GAB3: variants seen among roughly 807,000 people sequenced by gnomAD.
GAB3 encodes GRB2 associated binding protein 3, also known as GRB2-associated-binding protein 3.
GAB3 carries 12 observed loss-of-function variants against 40.4 expected under a neutral mutation model. That is an observed-to-expected ratio of 0.30 (90% CI 0.19 to 0.48). The LOEUF (loss-of-function observed/expected upper bound fraction) is 0.48. Among genes scored for constraint, GAB3 ranks in the 20% least tolerant of loss-of-function variants. The pLI, the probability that GAB3 is intolerant of heterozygous loss-of-function variation, is 0.99. For synonymous variants in GAB3, 154 were observed against 176.7 expected (o/e 0.87, Z 1.02); for missense variants, 381 against 461.9 (o/e 0.82, Z 1.61).
chrX:154,703,517 T>C (rs2070766096), intron 4 of GAB3, among the ~76,000 whole-genome samples: 1 of 110,621 alleles, frequency 9.0e-6, no homozygotes, highest in Non-Finnish European at 1.9e-5. Flanking sequence ...CAGAGAATGG[T>C]AAGAGGGAAA....
chrX:154,723,752 A>T (rs1557259081), intron 1 of GAB3, among the ~76,000 whole-genome samples: 1 of 111,500 alleles, frequency 9.0e-6, no homozygotes, highest in African/African-American at 3.3e-5. Context: ...GGTCAAGAGG[A>T]TATAGAAAGC....
chrX:154,745,822 C>T (rs1392707828), intron 1 of GAB3, among the ~76,000 whole-genome samples: 5 of 110,987 alleles, frequency 4.5e-5, no homozygotes, highest in Admixed American at 2.8e-4. Context: ...GAGGCCGAAG[C>T]GGGTGGATCA....
chrX:154,716,399 C>T, intron 1 of GAB3, 70 bp from the exon 2 acceptor site: 4 of 985,454 alleles, frequency 4.1e-6, no homozygotes, highest in Non-Finnish European at 5.5e-6. Flanking sequence ...TGCCAAGAAC[C>T]CATGTCATGA....
rs2070307412 is a variant in GAB3, at chrX:154,677,102, T to C, written c.*1076A>G. Reference sequence around the variant, plus strand: ...GGGAAACACACTGTATAGGTGACCATGAGAATGGCCTTCAGACTAACCATC... The same window carrying C: ...GGGAAACACACTGTATAGGTGACCACGAGAATGGCCTTCAGACTAACCATC... On this transcript the variant is annotated 3_prime_UTR_variant, in exon 10 of 10. Transcript: ENST00000424127. 1 of 111,788 alleles carries C rather than the reference T, an allele frequency of 8.9e-6. No homozygotes were observed. The highest frequency in any genetic ancestry group is 9.5e-5 in the Admixed American group (1 of 10,579). 9.2% of individuals were successfully genotyped at this position (111,788 alleles called of 1,213,427 possible). A position where few individuals can be genotyped will look rare whatever the true frequency, so the allele number is the denominator to read the frequency against.
intron 1 of GAB3, among the ~76,000 whole-genome samples, chrX:154,741,960 A>C (rs2071448441): frequency 9.0e-6 from 1 of 111,632 alleles, no homozygotes. Context: ...TGCCCTTGAC[A>C]TGTGGGGATT....
chrX:154,685,851 A>C (rs782191258), intron 8 of GAB3, among the ~76,000 whole-genome samples: 2 of 112,338 alleles, frequency 1.8e-5, no homozygotes, highest in African/African-American at 6.4e-5. Flanking sequence ...CCAACCAATT[A>C]GATAAACATA....
chrX:154,712,199 G>T, intron 4 of GAB3, 30 bp downstream of exon 4: 1 of 1,078,043 alleles, frequency 9.3e-7, no homozygotes, highest in South Asian at 2.1e-5. Context: ...GGGTTTTCTT[G>T]GCGCCTGAAT....
rs150929455 is a variant in GAB3 at position 154,709,390 on chromosome X, G to C, written c.1069+2839C>G. Reference sequence around the variant, plus strand: ...GACTGGAGTGCAGTGGTGTGATCTTGGCTCACTGCAAACTCTGCCTCCCAG... The same window carrying C: ...GACTGGAGTGCAGTGGTGTGATCTTCGCTCACTGCAAACTCTGCCTCCCAG... On this transcript the variant is annotated intron_variant, in intron 4 of 9. Transcript: ENST00000424127. Among the ~76,000 whole-genome samples the C allele has an allele frequency of 3.7e-3, 387 of 104,643 alleles. 2 individuals are homozygous for C. Among genetic ancestry groups the C allele is most frequent in the African/African-American group, 0.013 (369 of 28,130 alleles). The allele number at this position is 104,643 out of a possible 115,157, so 90.9% of individuals were successfully genotyped here. A position where few individuals can be genotyped will look rare whatever the true frequency, so the allele number is the denominator to read the frequency against.
In GAB3 at chrX:154,688,626, C is replaced by G. The variant is rs2070497483; in HGVS notation, c.1530+7291G>C. On this transcript the variant is annotated intron_variant, in intron 8 of 9. Transcript: ENST00000424127. Reference sequence around the variant, plus strand: ...GAATATATAAAGAACTCTCAAAACTCAATGTAAGAAAACAAACAACCTGAT... The same window carrying G: ...GAATATATAAAGAACTCTCAAAACTGAATGTAAGAAAACAAACAACCTGAT... Among the ~76,000 whole-genome samples the G allele has an allele frequency of 1.8e-5, 2 of 111,201 alleles. 1 individual carries two copies. Among genetic ancestry groups the G allele is most frequent in the African/African-American group, 6.5e-5 (2 of 30,547 alleles).
chrX:154,743,367 GGCAGAAGGAATATGATA>G (rs2071475875), intron 1 of GAB3, among the ~76,000 whole-genome samples: 1 of 111,253 alleles, frequency 9.0e-6, no homozygotes, highest in Non-Finnish European at 1.9e-5. Context: ...AAGTTCTTCA[GGCAGAAGGAATATGATA>G]GCAGACAGAA....
chrX:154,732,696 G>A (rs181837671), intron 1 of GAB3, among the ~76,000 whole-genome samples: 11 of 111,421 alleles, frequency 9.9e-5, no homozygotes, highest in African/African-American at 2.9e-4. Context: ...GGAGTGAGCC[G>A]TTCTAGAAAG....
intron 4 of GAB3, among the ~76,000 whole-genome samples, chrX:154,701,195 T>C (rs782394695): frequency 2.7e-5 from 3 of 111,656 alleles, no homozygotes; most frequent in Middle Eastern, 9.4e-3. Flanking sequence ...ACCTATTTCA[T>C]AGGACTTCTG....
At chrX:154,694,607 A>C (rs1388216125) in intron 8 of GAB3, among the ~76,000 whole-genome samples, 1 of 111,186 alleles carries the variant, frequency 9.0e-6, no homozygotes, top group Non-Finnish European at 1.9e-5. Flanking sequence ...GTTAGCCAGG[A>C]TGGTCTCGAT....
chrX:154,711,778 G>T (rs997853665), intron 4 of GAB3, among the ~76,000 whole-genome samples: 1 of 112,272 alleles, frequency 8.9e-6, no homozygotes, highest in Admixed American at 9.4e-5. Context: ...TTTGTACCAA[G>T]TGGGTCCCTG....
chrX:154,720,981 C>G (rs781830246), intron 1 of GAB3, among the ~76,000 whole-genome samples: 1 of 111,582 alleles, frequency 9.0e-6, no homozygotes, highest in Non-Finnish European at 1.9e-5. Context: ...CAGAAGCCAG[C>G]CTGTAGAAAA....
rs781932222 is a variant in GAB3 at position 154,713,437 on chromosome X, C to A, written c.377-11G>T. ...TCTCCATGGAATCTGCTGGAGAAAT[C>A]ATTTCCCAGGTTAATGTTTAAGAAT... is the stretch of plus-strand genomic sequence containing the variant. On this transcript the variant is annotated splice_polypyrimidine_tract_variant and intron_variant, in intron 2 of 9. Coordinates refer to ENST00000424127, the MANE Select transcript of GAB3 (RefSeq NM_001081573.3). The A allele has an allele frequency of 1.7e-6, 2 of 1,184,265 alleles. No individual in the cohort carries two copies. Among genetic ancestry groups the A allele is most frequent in the Non-Finnish European group, 1.1e-6 (1 of 874,278 alleles).
In GAB3 at chrX:154,695,967, A is replaced by G. The variant is rs782678443; in HGVS notation, c.1480T>C (p.Phe494Leu). The change falls in exon 8 of 10, where the codon TTT (phenylalanine) becomes CTT (leucine). Residue 494 changes from phenylalanine (F) to leucine (L), a missense_variant. Physicochemically the swap from Phe to Leu is conservative, Grantham distance 22. This residue lies in a region of GAB3 where 364 missense variants were observed against 421.0 expected (regional missense o/e 0.86). Transcript: ENST00000424127. ...TCTCTGGAAACAGGATTAGCAAAAA[A>G]TCTTGCAGAATTAATACCATTTCTT... Reference protein sequence around the residue: ...PERNGINSARFFANPVSREDE... With the variant: ...PERNGINSARLFANPVSREDE... 2.5e-6 allele frequency: 3 copies of G among 1,199,280 alleles called. No individual in the cohort carries two copies. The Admixed American group carries it at 6.5e-5, about 26-fold the overall frequency.
chrX:154,694,043 A>G (rs1274235516), intron 8 of GAB3, among the ~76,000 whole-genome samples: 1 of 111,890 alleles, frequency 8.9e-6, no homozygotes, highest in Non-Finnish European at 1.9e-5. Flanking sequence ...GAGAAAAAAA[A>G]AAATTAACAT....
intron 4 of GAB3, among the ~76,000 whole-genome samples, chrX:154,706,789 G>A (rs1253989271): frequency 1.8e-5 from 2 of 109,043 alleles, no homozygotes; most frequent in African/African-American, 3.3e-5. Flanking sequence ...GTGTGGTGGC[G>A]TGAGCCTGTA....
Sources: gnomAD v4.1 joint callset for allele counts (sites outside exome capture counted in the v4.1 genomes callset) on GRCh38, gnomAD v4.1.1 for gene constraint, gnomAD v4.1.1 regional missense constraint, MANE v1.5 for transcripts, NCBI Gene and HGNC (gene_info 2026-07-23, HGNC 2026-07-21) for gene names.